The following ROBO2 variants were observed in gnomAD, a reference collection of about 807,000 sequenced individuals.
The protein encoded by ROBO2 is roundabout homolog 2.
ROBO2 carries 53 observed loss-of-function variants against 160.8 expected under a neutral mutation model. The observed-to-expected ratio is 0.33, with a 90% confidence interval of 0.26 to 0.41. The LOEUF (loss-of-function observed/expected upper bound fraction) is 0.41, where lower values mean the gene tolerates loss of function less well. Among genes scored for constraint, ROBO2 ranks in the 10% least tolerant of loss-of-function variants. The probability of loss-of-function intolerance (pLI) is 1.00; values close to 1 mark genes in which losing one functional copy is unlikely to be tolerated. For synonymous variants in ROBO2, 664 were observed against 611.7 expected, an observed-to-expected ratio of 1.09 and a Z score of -1.26; for missense variants, 1,577 against 1,722.4, an observed-to-expected ratio of 0.92 and a Z score of 1.49.
intron 2 of ROBO2, among the ~76,000 whole-genome samples, chr3:76,799,141 G>A (rs1326765109): frequency 6.6e-6 from 1 of 151,312 alleles, no homozygotes; most frequent in Admixed American, 6.6e-5. Context: ...TTGAACCCAG[G>A]AGACGGAGGC....
intron 13 of ROBO2, among the ~76,000 whole-genome samples, chr3:77,571,174 A>G (rs1231613877): frequency 2.0e-5 from 3 of 152,068 alleles, no homozygotes; most frequent in African/African-American, 7.2e-5. Flanking sequence ...TCGACAAACT[A>G]GAATTTCAGA....
At chr3:77,451,895 G>T (rs1031338240) in intron 2 of ROBO2, among the ~76,000 whole-genome samples, 2 of 151,856 alleles carry the variant, frequency 1.3e-5, no homozygotes, top group South Asian at 2.1e-4. Context: ...TTTACATTAG[G>T]TATATCTCCT....
At chr3:76,836,915 T>C (rs950112378) in intron 2 of ROBO2, among the ~76,000 whole-genome samples, 6 of 151,910 alleles carry the variant, frequency 3.9e-5, no homozygotes, top group Non-Finnish European at 7.4e-5. Flanking sequence ...ATGACGTTAC[T>C]TGCATCTTAT....
intron 2 of ROBO2, among the ~76,000 whole-genome samples, chr3:76,367,454 G>A (rs1485107749): frequency 1.3e-5 from 2 of 151,834 alleles, no homozygotes; most frequent in African/African-American, 4.8e-5. Flanking sequence ...GCACATTGCG[G>A]GATACTAGAG....
chr3:76,245,275 CT>C (rs2107530169), intron 2 of ROBO2, among the ~76,000 whole-genome samples: 1 of 152,276 alleles, frequency 6.6e-6, no homozygotes, highest in African/African-American at 2.4e-5. Flanking sequence ...AGCTTGAACC[CT>C]TTTGGGGCAG....
chr3:76,122,698 G>A (rs1366158704), intron 2 of ROBO2, among the ~76,000 whole-genome samples: 2 of 152,000 alleles, frequency 1.3e-5, no homozygotes, highest in Non-Finnish European at 2.9e-5. Context: ...ACTTTTCACA[G>A]ATACACAGAC....
chr3:76,576,336 G>A (rs1241869492), intron 2 of ROBO2, among the ~76,000 whole-genome samples: 13 of 152,068 alleles, frequency 8.5e-5, no homozygotes, highest in Admixed American at 7.9e-4. Flanking sequence ...ACTTTATTAA[G>A]GTGCCTCTTC....
intron 2 of ROBO2, among the ~76,000 whole-genome samples, chr3:77,000,581 C>G (rs1559825570): frequency 1.3e-5 from 2 of 151,882 alleles, no homozygotes; most frequent in African/African-American, 2.4e-5. Flanking sequence ...ATTTTCATGA[C>G]TTTTTTTCTA....
intron 2 of ROBO2, among the ~76,000 whole-genome samples, chr3:75,982,222 C>T (rs928941318): frequency 1.3e-5 from 2 of 151,538 alleles, no homozygotes; most frequent in South Asian, 4.2e-4. Flanking sequence ...AACAGTGCTG[C>T]GATAAACAAA....
chr3:77,305,527 A>G (rs2063027534), intron 2 of ROBO2, among the ~76,000 whole-genome samples: 1 of 152,174 alleles, frequency 6.6e-6, no homozygotes, highest in African/African-American at 2.4e-5. Flanking sequence ...GTGTTGAGAT[A>G]TTGTCTGTTC....
chr3:76,581,882 A>G (rs554494864), intron 2 of ROBO2, among the ~76,000 whole-genome samples: 13 of 152,326 alleles, frequency 8.5e-5, no homozygotes, highest in African/African-American at 3.1e-4. Flanking sequence ...ATATCAGGAC[A>G]TTTGTCTCTA....
At chr3:75,935,726 C>T (rs1947745394) in intron 1 of ROBO2, among the ~76,000 whole-genome samples, 2 of 152,176 alleles carry the variant, frequency 1.3e-5, no homozygotes, top group Non-Finnish European at 2.9e-5. Context: ...AGCCTCCATA[C>T]ACAAGACATC....
intron 2 of ROBO2, among the ~76,000 whole-genome samples, chr3:76,351,050 T>G (rs1373706837): frequency 6.6e-6 from 1 of 151,960 alleles, no homozygotes; most frequent in Non-Finnish European, 1.5e-5. Flanking sequence ...TTTTACTAGA[T>G]ATGTTTTTAA....
intron 2 of ROBO2, among the ~76,000 whole-genome samples, chr3:77,310,808 A>C: frequency 6.6e-6 from 1 of 151,988 alleles, no homozygotes; most frequent in East Asian, 1.9e-4. Context: ...TAGAATTACT[A>C]TTTAATATAG....
intron 14 of ROBO2, among the ~76,000 whole-genome samples, chr3:77,576,593 A>G (rs1450591162): frequency 6.6e-6 from 1 of 152,136 alleles, no homozygotes; most frequent in Non-Finnish European, 1.5e-5. Context: ...GGCACATTAA[A>G]TGAGAGATGT....
At chr3:77,534,400 G>A (rs1437564580) in intron 6 of ROBO2, among the ~76,000 whole-genome samples, 1 of 151,902 alleles carries the variant, frequency 6.6e-6, no homozygotes, top group South Asian at 2.1e-4. Flanking sequence ...GGCCCAAAAC[G>A]GTATGAGGAG....
intron 2 of ROBO2, among the ~76,000 whole-genome samples, chr3:76,426,565 C>CT (rs1247981418): frequency 6.6e-6 from 1 of 152,010 alleles, no homozygotes; most frequent in African/African-American, 2.4e-5. Context: ...CAAAATCAGA[C>CT]CGTAAGGGAA....
At position 76,542,090 on chromosome 3, in the gene ROBO2, A is replaced by G. The variant is rs114737351; in HGVS notation, c.110-555924A>G. On this transcript the variant is annotated intron_variant, in intron 2 of 26. Transcript: ENST00000487694. ...TGTCTTCTCAAAGGCTTCAGTGATC[A>G]TTTTTTTTCTCTCTTGTAGTTTAGA... Among the ~76,000 whole-genome samples, 510 of 151,384 alleles carry G rather than the reference A, an allele frequency of 3.4e-3. 1 individual carries two copies. Among genetic ancestry groups the G allele is most frequent in the Admixed American group, 5.7e-3 (87 of 15,176 alleles).
chr3:76,385,817 G>A (rs945464578), intron 2 of ROBO2, among the ~76,000 whole-genome samples: 5 of 152,004 alleles, frequency 3.3e-5, no homozygotes. Context: ...GAGAAATTTA[G>A]TTCATTAACA....
Sources: allele counts gnomAD v4.1 joint callset (sites outside exome capture counted in the v4.1 genomes callset), GRCh38; gene constraint gnomAD v4.1.1; transcripts MANE v1.5; gene names NCBI Gene and HGNC (gene_info 2026-07-23, HGNC 2026-07-21).